CDKL1: variants seen among roughly 807,000 people sequenced by gnomAD.
The protein encoded by CDKL1 is cyclin dependent kinase like 1, also known as cyclin-dependent kinase-like 1.
Under a neutral mutation model 42.0 loss-of-function variants are expected in CDKL1, and 41 were observed. The observed-to-expected ratio is 0.98, with a 90% confidence interval of 0.76 to 1.27. CDKL1 has a LOEUF of 1.27. CDKL1 is among the 50% of genes most tolerant of loss of function. The pLI is 0.00. For synonymous variants in CDKL1, 153 were observed against 158.6 expected (o/e 0.96, Z 0.26); for missense variants, 394 against 428.4 (o/e 0.92, Z 0.71).
At chr14:50,385,119 G>C (rs2035039762) in intron 2 of CDKL1, among the ~76,000 whole-genome samples, 1 of 146,924 alleles carries the variant, frequency 6.8e-6, no homozygotes, top group South Asian at 2.2e-4. Flanking sequence ...GAACCATTGG[G>C]TGAAAGTTGT....
At chr14:50,362,320 C>T (rs1002323831) in intron 2 of CDKL1, 4 of 343,980 alleles carry the variant, frequency 1.2e-5, no homozygotes, top group African/African-American at 9.0e-5. Context: ...CACCTGTGGC[C>T]TGGTGTGGGA....
chr14:50,357,605 A>G (rs1230977854), intron 3 of CDKL1, among the ~76,000 whole-genome samples: 2 of 152,126 alleles, frequency 1.3e-5, no homozygotes, highest in Non-Finnish European at 2.9e-5. Context: ...CACCTTCACC[A>G]TGAAGCTCTC....
chr14:50,356,546 G>A (rs1466974014), intron 3 of CDKL1, among the ~76,000 whole-genome samples: 1 of 152,190 alleles, frequency 6.6e-6, no homozygotes, highest in Non-Finnish European at 1.5e-5. Context: ...GATGGAGCTG[G>A]AAGCTGTTAT....
intron 2 of CDKL1, chr14:50,390,279 G>A (rs1395662330): frequency 2.2e-6 from 3 of 1,366,292 alleles, no homozygotes; most frequent in Non-Finnish European, 2.0e-6. Flanking sequence ...CATACCACCT[G>A]CCATAGGTAG....
chr14:50,346,650 TGG>T (rs1491427749), intron 3 of CDKL1, among the ~76,000 whole-genome samples: 1,181 of 70,550 alleles, frequency 0.017, 35 homozygotes, highest in Middle Eastern at 0.11. Context: ...ATTAAATTTT[TGG>T]TTTTTTTTTT....
chr14:50,345,221 A>G (rs978136265), intron 3 of CDKL1, among the ~76,000 whole-genome samples, 163 bp from the exon 4 acceptor site: 1 of 152,252 alleles, frequency 6.6e-6, no homozygotes, highest in Non-Finnish European at 1.5e-5. Context: ...ATGTAAAAAT[A>G]TGCGACCAGC....
At chr14:50,388,033 GT>G (rs2035139798) in intron 2 of CDKL1, among the ~76,000 whole-genome samples, 1 of 152,012 alleles carries the variant, frequency 6.6e-6, no homozygotes, top group African/African-American at 2.4e-5. Flanking sequence ...AGTAGCTGTG[GT>G]TACAGGTGCC....
intron 2 of CDKL1, among the ~76,000 whole-genome samples, chr14:50,390,963 T>G (rs1027686888): frequency 3.3e-5 from 5 of 152,136 alleles, no homozygotes; most frequent in South Asian, 2.1e-4. Context: ...GCTTCCTGAG[T>G]AGCTGGGACT....
chr14:50,329,959 A>G lies in CDKL1; in HGVS notation c.*115T>C. The G allele has an allele frequency of 7.8e-7, 1 of 1,279,068 alleles. No individual in the cohort carries two copies. Among genetic ancestry groups the G allele is most frequent in the Non-Finnish European group, 1.0e-6 (1 of 963,026 alleles). The allele number at this position is 1,279,068 out of a possible 1,614,324, so 79.2% of individuals were successfully genotyped here. A position where few individuals can be genotyped will look rare whatever the true frequency, so the allele number is the denominator to read the frequency against. On this transcript the variant is annotated 3_prime_UTR_variant, in exon 10 of 10. Coordinates refer to ENST00000395834, the MANE Select transcript of CDKL1 (RefSeq NM_004196.7). ...CAGTTGGCCTCCCAGTTTCTTGCTTATGTTTTCTCCTGGTGTGTTTTCAAC... is the reference window on the plus strand; with the variant it reads ...CAGTTGGCCTCCCAGTTTCTTGCTTGTGTTTTCTCCTGGTGTGTTTTCAAC...
In CDKL1 at chr14:50,393,341, C is replaced by T. The variant is rs144641547; in HGVS notation, c.168+2360G>A. ...TTCCAAGAGCTGAGCTTCTGAAAGA[C>T]AGGGTGTACAACTTTGCATAAACAT... On this transcript the variant is annotated intron_variant, in intron 2 of 9. Transcript: ENST00000395834. Among the ~76,000 whole-genome samples the T allele has an allele frequency of 3.3e-3, 500 of 152,320 alleles. 2 individuals carry two copies. The highest frequency in any genetic ancestry group is 0.011 in the African/African-American group (474 of 41,564).
intron 2 of CDKL1, among the ~76,000 whole-genome samples, chr14:50,366,276 CG>C (rs1260420969): frequency 1.3e-5 from 2 of 152,196 alleles, no homozygotes; most frequent in East Asian, 3.9e-4. Context: ...GACCTTGAGC[CG>C]AGTCTAGAGG....
At chr14:50,366,872 T>A (rs1427366312) in intron 2 of CDKL1, among the ~76,000 whole-genome samples, 2 of 149,104 alleles carry the variant, frequency 1.3e-5, no homozygotes, top group African/African-American at 5.0e-5. Flanking sequence ...AGAGGGGGAG[T>A]AAGACTGGGA....
At chr14:50,335,734 C>T (rs2033234070) in intron 7 of CDKL1, 4 of 975,090 alleles carry the variant, frequency 4.1e-6, no homozygotes, top group Non-Finnish European at 3.6e-6. Flanking sequence ...TGTGAGCTGC[C>T]GACTGGAGTG....
intron 3 of CDKL1, among the ~76,000 whole-genome samples, chr14:50,350,984 G>A (rs937453563): frequency 1.3e-5 from 2 of 152,160 alleles, no homozygotes; most frequent in Non-Finnish European, 2.9e-5. Context: ...CTCCACTGGT[G>A]TGACCTCATG....
chr14:50,348,278 G>GA (rs2033792710), intron 3 of CDKL1, among the ~76,000 whole-genome samples: 10 of 152,152 alleles, frequency 6.6e-5, no homozygotes, highest in Non-Finnish European at 1.3e-4. Flanking sequence ...TAAGGAGTAT[G>GA]GAAAAAACTG....
At position 50,341,112 on chromosome 14, in the gene CDKL1, A is replaced by C. The variant is rs576699118; in HGVS notation, c.575T>G (p.Phe192Cys). 1.9e-6 allele frequency: 3 copies of C among 1,614,186 alleles called. No homozygotes were observed. In the Admixed American group the frequency reaches 5.0e-5, roughly 27 times the overall value. ...PVDVWAIGCVFAELLSGVPLW... is the reference protein window; with the variant it reads ...PVDVWAIGCVCAELLSGVPLW... Reference sequence around the variant, plus strand: ...AGGCACTCCTGACAGCAGCTCAGCAAAGACACAGCCAATTGCCCAAACATC... The same window carrying C: ...AGGCACTCCTGACAGCAGCTCAGCACAGACACAGCCAATTGCCCAAACATC... The change falls in exon 6 of 10, where the codon TTT becomes TGT. Residue 192 changes from phenylalanine to cysteine, a missense_variant. Phe to Cys is a radical substitution (Grantham distance 205, BLOSUM62 -2). Coordinates refer to ENST00000395834, the MANE Select transcript of CDKL1 (RefSeq NM_004196.7).
intron 2 of CDKL1, among the ~76,000 whole-genome samples, chr14:50,380,950 C>T (rs945179730): frequency 6.6e-6 from 1 of 152,110 alleles, no homozygotes; most frequent in African/African-American, 2.4e-5. Context: ...TACAGGTGGG[C>T]ACCACCATGC....
At chr14:50,361,348 T>C (rs758644722) in intron 2 of CDKL1, among the ~76,000 whole-genome samples, 14 of 152,378 alleles carry the variant, frequency 9.2e-5, no homozygotes, top group Middle Eastern at 6.8e-3. Context: ...CCAGATATTA[T>C]ACTTGATGAA....
chr14:50,382,506 T>C (rs2034942936), intron 2 of CDKL1, among the ~76,000 whole-genome samples: 1 of 152,098 alleles, frequency 6.6e-6, no homozygotes, highest in Non-Finnish European at 1.5e-5. Flanking sequence ...GCCTTGCCCC[T>C]TTAAGAATGT....
Sources: allele counts gnomAD v4.1 joint callset (sites outside exome capture counted in the v4.1 genomes callset), GRCh38; gene constraint gnomAD v4.1.1; transcripts MANE v1.5; gene names NCBI Gene and HGNC (gene_info 2026-07-23, HGNC 2026-07-21).